Variants in DHX9 observed in about 807,000 individuals in gnomAD.
DHX9 encodes the protein DExH-box helicase 9.
A neutral mutation model predicts 148.7 loss-of-function variants in DHX9; 27 were observed. That is an observed-to-expected ratio of 0.18 (90% CI 0.13 to 0.25). The LOEUF (loss-of-function observed/expected upper bound fraction) is 0.25. Ranked by LOEUF, DHX9 falls within the 10% of genes least tolerant of loss-of-function variation. DHX9 has a pLI of 1.00. For missense variants in DHX9, 796 were observed against 1,559.6 expected (o/e 0.51, Z 8.25); for synonymous variants, 529 against 516.6 (o/e 1.02, Z -0.33).
Position 182,854,185 on chromosome 1 carries a change from T to A in DHX9, c.626+7T>A, listed in dbSNP as rs1375303108. 1.3e-6 allele frequency: 2 copies of A among 1,586,200 alleles called. No homozygotes were observed. Among genetic ancestry groups the A allele is most frequent in the Non-Finnish European group, 1.7e-6 (2 of 1,165,404 alleles). On this transcript the variant is annotated splice_region_variant and intron_variant, in intron 6 of 27. Transcript: ENST00000367549. ...TGGGTCCTGATCACAACAGGTTTGC[T>A]TGTTTCATTCTTTTCCTTCTGTAGT...
chr1:182,879,993 G>A (rs1033903580), intron 21 of DHX9, among the ~76,000 whole-genome samples: 10 of 152,102 alleles, frequency 6.6e-5, no homozygotes, highest in Non-Finnish European at 4.4e-5. Flanking sequence ...CAAAGTGCTG[G>A]GATTACAGGC....
At chr1:182,854,885 A>G (rs910387790) in intron 6 of DHX9, among the ~76,000 whole-genome samples, 5 of 152,044 alleles carry the variant, frequency 3.3e-5, no homozygotes, top group African/African-American at 1.2e-4. Flanking sequence ...TTTTCTGGGG[A>G]GCGATGTATT....
At chr1:182,870,378 T>G (rs1648506479) in intron 14 of DHX9, among the ~76,000 whole-genome samples, 1 of 152,216 alleles carries the variant, frequency 6.6e-6, no homozygotes, top group Non-Finnish European at 1.5e-5. Flanking sequence ...AAGAGCAGAA[T>G]AGAGAATCTT....
chr1:182,857,960 A>T, intron 7 of DHX9, 144 bp from the exon 8 acceptor site: 1 of 741,736 alleles, frequency 1.3e-6, no homozygotes, highest in Non-Finnish European at 2.1e-6. Context: ...AGCAGATATT[A>T]ATAGAATAAA....
chr1:182,877,974 T>C (rs1360905799), intron 19 of DHX9, 47 bp from the exon 20 acceptor site: 8 of 1,605,070 alleles, frequency 5.0e-6, no homozygotes, highest in Non-Finnish European at 6.8e-6. Context: ...ATAATAGTTA[T>C]TGATAATACA....
Position 182,853,427 on chromosome 1 carries a change from A to T in DHX9, c.477+9A>T. 6.3e-7 allele frequency: 1 copy of T among 1,594,900 alleles called. No homozygotes were observed. Among genetic ancestry groups the T allele is most frequent in the Non-Finnish European group, 8.6e-7 (1 of 1,164,650 alleles). Reference sequence around the variant, plus strand: ...AACAAGAAGTGCAAGCGGTAAGGCCAGCACCGTAGGTTACATCTCTGAGAA... The same window carrying T: ...AACAAGAAGTGCAAGCGGTAAGGCCTGCACCGTAGGTTACATCTCTGAGAA... On this transcript the variant is annotated intron_variant, in intron 5 of 27. Coordinates refer to ENST00000367549, the MANE Select transcript of DHX9 (RefSeq NM_001357.5).
At chr1:182,880,663 T>C (rs1649043862) in intron 22 of DHX9, 55 bp downstream of exon 22, 9 of 1,211,662 alleles carry the variant, frequency 7.4e-6, no homozygotes, top group East Asian at 2.4e-5. Context: ...TTCAGAATCT[T>C]CTCCTCCCTG....
chr1:182,879,640 C>G (rs1648997872), intron 21 of DHX9, among the ~76,000 whole-genome samples: 3 of 152,130 alleles, frequency 2.0e-5, no homozygotes, highest in Non-Finnish European at 1.5e-5. Flanking sequence ...GAAAAGAAAA[C>G]TTAAAAAGGC....
chr1:182,845,889 C>T (rs144121327), intron 3 of DHX9, among the ~76,000 whole-genome samples: 236 of 152,312 alleles, frequency 1.5e-3, no homozygotes, highest in Middle Eastern at 0.01. Context: ...TGCCCTGCCT[C>T]GAACACCATT....
chr1:182,875,150 C>G, intron 16 of DHX9, 196 bp downstream of exon 16: 1 of 614,456 alleles, frequency 1.6e-6, no homozygotes, highest in Non-Finnish European at 3.1e-6. Context: ...TTTTCTATCA[C>G]AAGTTAAATT....
intron 17 of DHX9, 28 bp from the exon 18 acceptor site, chr1:182,876,419 T>G: frequency 1.9e-6 from 3 of 1,596,722 alleles, no homozygotes; most frequent in Non-Finnish European, 1.7e-6. Context: ...CTGTTTTTAG[T>G]CCCTGATTGT....
intron 12 of DHX9, among the ~76,000 whole-genome samples, chr1:182,861,838 C>G (rs1668369086): frequency 6.6e-6 from 1 of 152,210 alleles, no homozygotes; most frequent in South Asian, 2.1e-4. Flanking sequence ...TCTCATACCT[C>G]TTACCTGTAA....
In DHX9 at chr1:182,858,546, C is replaced by A; in HGVS notation, c.811-5C>A. The A allele has an allele frequency of 6.3e-7, 1 of 1,599,412 alleles. No individual in the cohort carries two copies. The highest frequency in any genetic ancestry group is 8.5e-7 in the Non-Finnish European group (1 of 1,172,154). On this transcript the variant is annotated splice_region_variant and splice_polypyrimidine_tract_variant and intron_variant, in intron 8 of 27. Transcript: ENST00000367549. ...TGTTGTTAATGTGTGATCCTTTTTC[C>A]ATAGGTGGAGCCTTACAAAGTAAAC...
At chr1:182,879,522 C>T (rs1648985531) in intron 21 of DHX9, 112 bp downstream of exon 21, 5 of 1,057,556 alleles carry the variant, frequency 4.7e-6, no homozygotes. Flanking sequence ...GTCAACAGGG[C>T]TGTGATAATA....
chr1:182,887,028 CGTT>C, intron 27 of DHX9, 52 bp from the exon 28 acceptor site: 1 of 1,511,198 alleles, frequency 6.6e-7, no homozygotes, highest in South Asian at 1.1e-5. Context: ...TTTGGTAAGT[CGTT>C]GGGAAATAAT....
chr1:182,887,830 CAG>C lies in DHX9; in HGVS notation c.*400_*401del, dbSNP rs1303216344. On this transcript the variant is annotated 3_prime_UTR_variant, in exon 28 of 28. Transcript: ENST00000367549. ...AGCTACATCTGTTGATTTTAAATGT[CAG>C]AGAAGTTGTACCCTGTTTCAAAAGT... The C allele has an allele frequency of 1.1e-5, 2 of 189,594 alleles. No individual in the cohort carries two copies. The highest frequency in any genetic ancestry group is 4.7e-5 in the African/African-American group (2 of 42,762). 11.7% of individuals were successfully genotyped at this position (189,594 alleles called of 1,614,324 possible).
chr1:182,850,353 G>T (rs1413877954), intron 3 of DHX9, among the ~76,000 whole-genome samples: 1 of 151,934 alleles, frequency 6.6e-6, no homozygotes, highest in Admixed American at 6.6e-5. Flanking sequence ...CCAACACTTC[G>T]GGAGATAGAG....
intron 12 of DHX9, among the ~76,000 whole-genome samples, chr1:182,865,174 G>A (rs957188924): frequency 6.6e-6 from 1 of 152,304 alleles, no homozygotes; most frequent in East Asian, 1.9e-4. Flanking sequence ...AGAAAACTTG[G>A]TGGTTACATT....
intron 12 of DHX9, among the ~76,000 whole-genome samples, chr1:182,860,758 A>T (rs376918366): frequency 6.6e-6 from 1 of 152,212 alleles, no homozygotes; most frequent in African/African-American, 2.4e-5. Context: ...CTTCCTTTTA[A>T]CTAACACTGT....
Sources: gnomAD v4.1 joint callset for allele counts (sites outside exome capture counted in the v4.1 genomes callset) on GRCh38, gnomAD v4.1.1 for gene constraint, MANE v1.5 for transcripts, NCBI Gene and HGNC (gene_info 2026-07-23, HGNC 2026-07-21) for gene names.